ANKRD30B: variants seen among roughly 807,000 people sequenced by gnomAD.
The protein encoded by ANKRD30B is ankyrin repeat domain-containing protein 30B.
ANKRD30B carries 144 observed loss-of-function variants against 202.2 expected under a neutral mutation model. The ratio of observed to expected loss-of-function variants is 0.71; its 90% confidence interval spans 0.62 to 0.82. ANKRD30B has a LOEUF of 0.82. Ranked by LOEUF, ANKRD30B falls within the 40% of genes least tolerant of loss-of-function variation. The probability of loss-of-function intolerance (pLI) is 0.00; values close to 1 mark genes in which losing one functional copy is unlikely to be tolerated. For missense variants in ANKRD30B, 1,487 were observed against 1,669.1 expected, an observed-to-expected ratio of 0.89 and a Z score of 1.90; for synonymous variants, 508 against 561.3, an observed-to-expected ratio of 0.91 and a Z score of 1.34.
chr18:14,940,614 C>T, the ANKRD30B span, among the ~76,000 whole-genome samples: 1 of 152,116 alleles, frequency 6.6e-6, no homozygotes, highest in Non-Finnish European at 1.5e-5. Context: ...CTTAATTGCT[C>T]AAATAATGTC....
At chr18:14,819,465 A>T (rs1230956276) in intron 30 of ANKRD30B, among the ~76,000 whole-genome samples, 1 of 146,186 alleles carries the variant, frequency 6.8e-6, no homozygotes, top group Admixed American at 6.7e-5. Flanking sequence ...GGTAATGCCT[A>T]GGTTTTCTTC....
the ANKRD30B span, chr18:14,877,484 C>G: frequency 6.6e-6 from 1 of 151,558 alleles, no homozygotes; most frequent in African/African-American, 2.4e-5. Flanking sequence ...CATCAGAATT[C>G]AATGAGACAA....
Position 14,792,687 on chromosome 18 carries a change from C to A in ANKRD30B, c.1825+1196C>A, listed in dbSNP as rs182870630. Among the ~76,000 whole-genome samples the A allele has an allele frequency of 5.1e-4, 77 of 151,248 alleles. No individual in the cohort carries two copies. In the East Asian group the frequency reaches 0.014, roughly 27 times the overall value. On this transcript the variant is annotated intron_variant, in intron 16 of 43. Coordinates refer to ENST00000690538, the MANE Select transcript of ANKRD30B (RefSeq NM_001367607.2). ...TGAGGATTACTAGAATTGGACTAAA[C>A]CTCAGTGACTCATTAATTTTCTTTA...
At chr18:14,864,707 C>T in the ANKRD30B span, among the ~76,000 whole-genome samples, 4 of 151,746 alleles carry the variant, frequency 2.6e-5, no homozygotes, top group Non-Finnish European at 4.4e-5. Context: ...ACATTTCCCT[C>T]ATCTTTTCCC....
intron 3 of ANKRD30B, 63 bp downstream of exon 3, chr18:14,753,075 T>C (rs1204257011): frequency 3.1e-6 from 4 of 1,310,828 alleles, no homozygotes; most frequent in East Asian, 2.6e-5. Context: ...TGTTAACATA[T>C]GTAAGGCTTT....
chr18:14,776,755 C>A (rs184422781), intron 9 of ANKRD30B, among the ~76,000 whole-genome samples: 1 of 152,290 alleles, frequency 6.6e-6, no homozygotes, highest in East Asian at 1.9e-4. Flanking sequence ...GAATTGCGTA[C>A]TTTATCTAAT....
At position 14,791,138 on chromosome 18, in the gene ANKRD30B, G is replaced by C. The variant is rs187733745; in HGVS notation, c.1735-263G>C. ...GTCTTGGGAGGGTGTATGTGTTGAG[G>C]AATTTATCCATTTCTTCTAGATTTT... On this transcript the variant is annotated intron_variant, in intron 15 of 43. Transcript: ENST00000690538. Among the ~76,000 whole-genome samples, 25 of 152,158 alleles carry C rather than the reference G, an allele frequency of 1.6e-4. 1 individual carries two copies. The East Asian group carries it at 4.7e-3, about 29-fold the overall frequency.
At chr18:14,821,401 A>C (rs866654589) in intron 30 of ANKRD30B, among the ~76,000 whole-genome samples, 1 of 151,802 alleles carries the variant, frequency 6.6e-6, no homozygotes, top group Non-Finnish European at 1.5e-5. Context: ...CTTGCCTTCT[A>C]CTAGCTTTTG....
the ANKRD30B span, among the ~76,000 whole-genome samples, chr18:14,914,610 T>C: frequency 1.3e-5 from 2 of 152,178 alleles, no homozygotes; most frequent in South Asian, 4.1e-4. Flanking sequence ...AATATAAGGA[T>C]TGTTTAATAA....
intron 9 of ANKRD30B, among the ~76,000 whole-genome samples, chr18:14,772,819 G>T (rs1967099322): frequency 6.8e-6 from 1 of 148,088 alleles, no homozygotes; most frequent in African/African-American, 2.5e-5. Context: ...AATAATATTA[G>T]AAATTGTGAA....
chr18:14,856,503 T>C (rs1336106568), downstream of ANKRD30B, among the ~76,000 whole-genome samples: 1 of 130,302 alleles, frequency 7.7e-6, no homozygotes, highest in East Asian at 2.3e-4. Flanking sequence ...AATGGGCGGC[T>C]GGGGAGAGGT....
In ANKRD30B at chr18:14,769,351, A is replaced by C; in HGVS notation, c.1234A>C (p.Ser412Arg). 5.8e-6 allele frequency: 9 copies of C among 1,542,706 alleles called. No homozygotes were observed. The highest frequency in any genetic ancestry group is 7.9e-6 in the Non-Finnish European group (9 of 1,142,348). The change falls in exon 8 of 44, where the codon AGT (serine) becomes CGT (arginine). Residue 412 changes from serine to arginine, a missense_variant. Ser to Arg is a moderately radical substitution (Grantham distance 110, BLOSUM62 -1). Around this residue, in one of 6 missense-constraint regions of ANKRD30B, gnomAD observed 889 missense variants for 841.4 expected, o/e 1.06. Coordinates refer to ENST00000690538, the MANE Select transcript of ANKRD30B (RefSeq NM_001367607.2). ...STKASTNVDV[S>R]SVEPIFSLFG... is the part of the protein sequence containing the mutation. ...CTTTTTTTCTTTAATAGTGGATGTG[A>C]GTTCTGTAGAGCCTATATTCAGGTA...
the ANKRD30B span, among the ~76,000 whole-genome samples, chr18:14,920,867 T>A: frequency 0.014 from 2,061 of 152,350 alleles, 46 homozygotes; most frequent in African/African-American, 0.046. Flanking sequence ...CAAGTGCAAG[T>A]GCATGTAAGA....
At chr18:14,876,804 TG>T in the ANKRD30B span, among the ~76,000 whole-genome samples, 1 of 152,222 alleles carries the variant, frequency 6.6e-6, no homozygotes, top group African/African-American at 2.4e-5. Flanking sequence ...TTTAAAGGCA[TG>T]GGGATACCCT....
the ANKRD30B span, among the ~76,000 whole-genome samples, chr18:14,926,962 CTCTT>C: frequency 2.0e-5 from 3 of 151,902 alleles, no homozygotes; most frequent in Non-Finnish European, 2.9e-5. Flanking sequence ...TGTGTGTACT[CTCTT>C]TATAGAGACT....
the ANKRD30B span, among the ~76,000 whole-genome samples, chr18:14,917,825 CCTGGCCCAT>C: frequency 1.3e-5 from 2 of 152,214 alleles, no homozygotes; most frequent in Non-Finnish European, 2.9e-5. Context: ...TTTAGGAACT[CCTGGCCCAT>C]CTGGGCTCAG....
intron 32 of ANKRD30B, among the ~76,000 whole-genome samples, chr18:14,827,604 T>C (rs1009222352): frequency 2.0e-4 from 31 of 152,164 alleles, no homozygotes; most frequent in Admixed American, 6.5e-4. Context: ...TTTAATGATT[T>C]TGGTATGAGA....
chr18:14,867,800 G>A, the ANKRD30B span, among the ~76,000 whole-genome samples: 1 of 152,210 alleles, frequency 6.6e-6, no homozygotes, highest in Non-Finnish European at 1.5e-5. Flanking sequence ...CTGGACTTTG[G>A]AGGGTGGGTG....
chr18:14,845,364 C>T (rs1301773276), intron 39 of ANKRD30B, among the ~76,000 whole-genome samples: 1 of 152,294 alleles, frequency 6.6e-6, no homozygotes, highest in Non-Finnish European at 1.5e-5. Flanking sequence ...TTTCACATTG[C>T]TTTTTTTCCA....
Sources: gnomAD v4.1 joint callset for allele counts (sites outside exome capture counted in the v4.1 genomes callset) on GRCh38, gnomAD v4.1.1 for gene constraint, gnomAD v4.1.1 regional missense constraint, MANE v1.5 for transcripts, NCBI Gene and HGNC (gene_info 2026-07-23, HGNC 2026-07-21) for gene names.